PIGL: variants seen among roughly 807,000 people sequenced by gnomAD.
PIGL encodes the protein phosphatidylinositol glycan anchor biosynthesis class L.
A neutral mutation model predicts 31.1 loss-of-function variants in PIGL; 22 were observed. The observed-to-expected ratio is 0.71, with a 90% CI of 0.51 to 1.01. The LOEUF is 1.01. Ranked by LOEUF, PIGL falls within the 50% of genes least tolerant of loss-of-function variation. PIGL has a pLI of 0.00. For missense variants in PIGL, 302 were observed against 315.9 expected (o/e 0.96, Z 0.33); for synonymous variants, 131 against 117.4 (o/e 1.12, Z -0.75).
intron 2 of PIGL, among the ~76,000 whole-genome samples, chr17:16,249,525 G>A (rs2092762243): frequency 6.6e-6 from 1 of 152,144 alleles, no homozygotes; most frequent in East Asian, 1.9e-4. Context: ...ATAGATATAT[G>A]AGAGGGGATT....
chr17:16,289,186 G>A (rs1049601438), intron 2 of PIGL, among the ~76,000 whole-genome samples: 3 of 152,224 alleles, frequency 2.0e-5, no homozygotes, highest in African/African-American at 7.2e-5. Flanking sequence ...GAAGGTTTAG[G>A]TGCAAGGTAC....
chr17:16,250,306 C>G (rs1022145089), intron 2 of PIGL, among the ~76,000 whole-genome samples: 1 of 152,084 alleles, frequency 6.6e-6, no homozygotes, highest in Non-Finnish European at 1.5e-5. Context: ...TAAACTTCAT[C>G]ATAGTTAACA....
At chr17:16,246,256 AC>A (rs2092746460) in intron 2 of PIGL, among the ~76,000 whole-genome samples, 1 of 151,450 alleles carries the variant, frequency 6.6e-6, no homozygotes, top group East Asian at 2.0e-4. Context: ...GCGGTGGCTC[AC>A]ACCTGTAATC....
chr17:16,325,208 G>A (rs926691720), intron 6 of PIGL, among the ~76,000 whole-genome samples: 1 of 151,944 alleles, frequency 6.6e-6, no homozygotes, highest in African/African-American at 2.4e-5. Context: ...AGCCAGGCAT[G>A]GTGGCAGGTG....
intron 2 of PIGL, among the ~76,000 whole-genome samples, chr17:16,237,838 T>C (rs2092705939): frequency 6.6e-6 from 1 of 151,820 alleles, no homozygotes. Flanking sequence ...GAATCTCTTT[T>C]CTGTCACACT....
At chr17:16,251,562 C>T (rs2092771976) in intron 2 of PIGL, among the ~76,000 whole-genome samples, 1 of 151,520 alleles carries the variant, frequency 6.6e-6, no homozygotes, top group South Asian at 2.1e-4. Context: ...AATCCCTCAA[C>T]TAATCAGTTA....
chr17:16,245,820 A>ATATAT (rs1555851512), intron 2 of PIGL, among the ~76,000 whole-genome samples: 3 of 140,652 alleles, frequency 2.1e-5, no homozygotes, highest in Non-Finnish European at 3.0e-5. Flanking sequence ...ATATATATAT[A>ATATAT]TTTTTTTTTG....
chr17:16,281,963 G>A, intron 2 of PIGL: 1 of 462,476 alleles, frequency 2.2e-6, no homozygotes, highest in Non-Finnish European at 4.7e-6. Flanking sequence ...TTCTGCTATT[G>A]CCCCCAGACA....
chr17:16,312,522 G>C (rs1431310667), intron 3 of PIGL: 1 of 162,312 alleles, frequency 6.2e-6, no homozygotes, highest in Non-Finnish European at 1.3e-5. Context: ...ACGGGGTGGC[G>C]GCCGGGCAGA....
At chr17:16,297,346 A>C (rs1297869489) in intron 2 of PIGL, among the ~76,000 whole-genome samples, 1 of 152,194 alleles carries the variant, frequency 6.6e-6, no homozygotes, top group Non-Finnish European at 1.5e-5. Context: ...AGATAAATGG[A>C]AGGCAGCCAT....
intron 2 of PIGL, among the ~76,000 whole-genome samples, chr17:16,274,387 G>A (rs1568815412): frequency 1.3e-5 from 2 of 152,096 alleles, no homozygotes; most frequent in East Asian, 1.9e-4. Flanking sequence ...TTGTTTGTTT[G>A]TTTATTTATT....
chr17:16,234,107 A>C (rs1171973282), intron 2 of PIGL, 37 bp downstream of exon 2: 2 of 1,162,026 alleles, frequency 1.7e-6, no homozygotes. Context: ...ATTTATTGGC[A>C]ATAAATATGC....
chr17:16,249,496 A>G (rs2092762048), intron 2 of PIGL, among the ~76,000 whole-genome samples: 1 of 152,172 alleles, frequency 6.6e-6, no homozygotes. Context: ...AAACAAAACA[A>G]AACAAAACAA....
At chr17:16,285,421 C>G (rs950313750) in intron 2 of PIGL, among the ~76,000 whole-genome samples, 1 of 151,342 alleles carries the variant, frequency 6.6e-6, no homozygotes, top group African/African-American at 2.4e-5. Context: ...CCCATTTCTA[C>G]TAAAACTACA....
chr17:16,267,066 G>A (rs1326242482), intron 2 of PIGL, among the ~76,000 whole-genome samples: 2 of 152,128 alleles, frequency 1.3e-5, no homozygotes, highest in South Asian at 4.1e-4. Flanking sequence ...CACCAATGCA[G>A]CTGAAAATCT....
At chr17:16,238,370 T>C (rs2092708439) in intron 2 of PIGL, among the ~76,000 whole-genome samples, 1 of 151,316 alleles carries the variant, frequency 6.6e-6, no homozygotes, top group Non-Finnish European at 1.5e-5. Context: ...CCTATATAGA[T>C]TAACCCCAAA....
At chr17:16,323,202 T>C (rs1473716761) in intron 6 of PIGL, among the ~76,000 whole-genome samples, 1 of 152,080 alleles carries the variant, frequency 6.6e-6, no homozygotes, top group Non-Finnish European at 1.5e-5. Flanking sequence ...CTACCACAAA[T>C]GAGAATGGCA....
chr17:16,240,041 G>T (rs955588315), intron 2 of PIGL, among the ~76,000 whole-genome samples: 13 of 152,158 alleles, frequency 8.5e-5, no homozygotes, highest in African/African-American at 2.9e-4. Flanking sequence ...TGGGGCGTTG[G>T]ATCAGTAGGA....
At chr17:16,291,945 T>C (rs528092275) in intron 2 of PIGL, among the ~76,000 whole-genome samples, 3 of 151,026 alleles carry the variant, frequency 2.0e-5, no homozygotes, top group South Asian at 2.1e-4. Context: ...CTGGGCAACA[T>C]AGCAAGACCC....
Sources: allele counts gnomAD v4.1 joint callset (sites outside exome capture counted in the v4.1 genomes callset), GRCh38; gene constraint gnomAD v4.1.1; transcripts MANE v1.5; gene names NCBI Gene and HGNC (gene_info 2026-07-23, HGNC 2026-07-21).